UNC5D: variants seen among roughly 807,000 people sequenced by gnomAD.
UNC5D encodes netrin receptor UNC5D.
Under a neutral mutation model 105.4 loss-of-function variants are expected in UNC5D, and 39 were observed. The observed-to-expected ratio is 0.37, with a 90% CI of 0.29 to 0.48. The LOEUF is 0.48. Among genes scored for constraint, UNC5D ranks in the 20% least tolerant of loss-of-function variants. The probability of loss-of-function intolerance (pLI) is 0.98; values close to 1 mark genes in which losing one functional copy is unlikely to be tolerated. For synonymous variants in UNC5D, 452 were observed against 450.4 expected (o/e 1.00, Z -0.04); for missense variants, 991 against 1,202.4 (o/e 0.82, Z 2.60).
chr8:35,478,806 C>T (rs1563457116), intron 1 of UNC5D, among the ~76,000 whole-genome samples: 2 of 152,130 alleles, frequency 1.3e-5, no homozygotes, highest in African/African-American at 4.8e-5. Context: ...ATTCTTTAAC[C>T]TGCTTTTAAT....
intron 1 of UNC5D, among the ~76,000 whole-genome samples, chr8:35,386,200 G>A (rs1803388306): frequency 6.6e-6 from 1 of 152,060 alleles, no homozygotes. Flanking sequence ...AAAGTCTCCT[G>A]TCACTGATTT....
chr8:35,339,536 T>C (rs1811304807), intron 1 of UNC5D, among the ~76,000 whole-genome samples: 1 of 152,200 alleles, frequency 6.6e-6, no homozygotes, highest in Non-Finnish European at 1.5e-5. Flanking sequence ...CAAGGGAATT[T>C]CAGGAATTAA....
chr8:35,421,632 AT>A (rs1488120271), intron 1 of UNC5D, among the ~76,000 whole-genome samples: 1 of 152,136 alleles, frequency 6.6e-6, no homozygotes, highest in Non-Finnish European at 1.5e-5. Context: ...ATGAGCATGT[AT>A]TTGTATAGTT....
intron 11 of UNC5D, among the ~76,000 whole-genome samples, chr8:35,741,327 G>A (rs1404687476): frequency 2.7e-5 from 4 of 146,652 alleles, no homozygotes; most frequent in South Asian, 2.4e-4. Context: ...TTCCCCTCCC[G>A]CCCCAACCCC....
chr8:35,691,240 T>C (rs946153509), intron 7 of UNC5D, among the ~76,000 whole-genome samples: 3 of 152,068 alleles, frequency 2.0e-5, no homozygotes, highest in Admixed American at 1.3e-4. Context: ...TGCTAGCAGG[T>C]GGGGGACCCA....
chr8:35,543,796 G>A (rs764464586), intron 1 of UNC5D, among the ~76,000 whole-genome samples: 1 of 152,060 alleles, frequency 6.6e-6, no homozygotes, highest in Non-Finnish European at 1.5e-5. Flanking sequence ...ATCTGGAATC[G>A]CAGTCCAGCT....
chr8:35,502,600 C>G (rs916243508), intron 1 of UNC5D, among the ~76,000 whole-genome samples: 5 of 151,998 alleles, frequency 3.3e-5, no homozygotes, highest in Admixed American at 6.6e-5. Flanking sequence ...GCTCTGTTGC[C>G]CAGGCTAGAG....
intron 1 of UNC5D, among the ~76,000 whole-genome samples, chr8:35,442,929 C>CAT (rs1807529033): frequency 6.6e-6 from 1 of 150,654 alleles, no homozygotes; most frequent in East Asian, 2.0e-4. Context: ...CACACACACA[C>CAT]ACACACAACA....
In UNC5D at chr8:35,775,675, T is replaced by A. The variant is rs1245665065; in HGVS notation, c.2657+1198T>A. Among the ~76,000 whole-genome samples the A allele has an allele frequency of 2.0e-5, 3 of 152,174 alleles. No individual in the cohort carries two copies. The East Asian group carries it at 5.8e-4, about 29-fold the overall frequency. On this transcript the variant is annotated intron_variant, in intron 16 of 16. Coordinates refer to ENST00000404895, the MANE Select transcript of UNC5D (RefSeq NM_080872.4). ...CTTGCTCTGTCATTTTCATTTTTTGTTCTTTATTTTCACAGACATCCTACC... is the reference window on the plus strand; with the variant it reads ...CTTGCTCTGTCATTTTCATTTTTTGATCTTTATTTTCACAGACATCCTACC...
intron 4 of UNC5D, among the ~76,000 whole-genome samples, chr8:35,595,992 A>T (rs957287492): frequency 2.0e-5 from 3 of 152,222 alleles, no homozygotes; most frequent in Non-Finnish European, 2.9e-5. Flanking sequence ...GGCTTATGGA[A>T]CAAATCTGAG....
chr8:35,321,970 C>G (rs976681112), intron 1 of UNC5D, among the ~76,000 whole-genome samples: 1 of 152,188 alleles, frequency 6.6e-6, no homozygotes, highest in African/African-American at 2.4e-5. Context: ...CTAAAACCCA[C>G]AGTACCCATT....
chr8:35,380,884 T>C (rs2128932036), intron 1 of UNC5D, among the ~76,000 whole-genome samples: 1 of 152,320 alleles, frequency 6.6e-6, no homozygotes, highest in Admixed American at 6.5e-5. Flanking sequence ...AAGTAATTTA[T>C]TTGACGTCAC....
intron 1 of UNC5D, among the ~76,000 whole-genome samples, chr8:35,443,272 G>C (rs942456941): frequency 6.6e-6 from 1 of 151,700 alleles, no homozygotes; most frequent in African/African-American, 2.4e-5. Context: ...GGCATACAGA[G>C]ACTTCTCTGC....
intron 1 of UNC5D, among the ~76,000 whole-genome samples, chr8:35,249,603 A>AT (rs1422555045): frequency 4.1e-5 from 6 of 146,340 alleles, no homozygotes; most frequent in Admixed American, 6.8e-5. Flanking sequence ...AATAATAATA[A>AT]AATAAATAAA....
intron 1 of UNC5D, among the ~76,000 whole-genome samples, chr8:35,482,182 C>T: frequency 6.6e-6 from 1 of 152,192 alleles, no homozygotes; most frequent in Non-Finnish European, 1.5e-5. Flanking sequence ...ATACCCACAT[C>T]ATATTTCCTG....
chr8:35,254,614 C>T (rs1803946858), intron 1 of UNC5D: 1 of 152,198 alleles, frequency 6.6e-6, no homozygotes, highest in Non-Finnish European at 1.5e-5. Flanking sequence ...CTGATTTGCA[C>T]CTCTGCCTTT....
chr8:35,438,987 A>C (rs1272063562), intron 1 of UNC5D, among the ~76,000 whole-genome samples: 2 of 152,026 alleles, frequency 1.3e-5, no homozygotes, highest in Non-Finnish European at 2.9e-5. Context: ...GCAGGGGGCC[A>C]GAAATCTGGC....
intron 1 of UNC5D, among the ~76,000 whole-genome samples, chr8:35,451,511 CAG>C (rs768634686): frequency 2.2e-4 from 34 of 152,244 alleles, no homozygotes; most frequent in Non-Finnish European, 3.5e-4. Context: ...AATGAGGAAA[CAG>C]AGGCGCAGAG....
At chr8:35,598,923 G>A (rs1228675046) in intron 4 of UNC5D, among the ~76,000 whole-genome samples, 2 of 151,948 alleles carry the variant, frequency 1.3e-5, no homozygotes, top group African/African-American at 2.4e-5. Flanking sequence ...CGGGTGGATC[G>A]CCTGAGGTCA....
Sources: allele counts gnomAD v4.1 joint callset (sites outside exome capture counted in the v4.1 genomes callset), GRCh38; gene constraint gnomAD v4.1.1; transcripts MANE v1.5; gene names NCBI Gene and HGNC (gene_info 2026-07-23, HGNC 2026-07-21).